Variants in GLRA3 observed in about 807,000 individuals in gnomAD.
The protein encoded by GLRA3 is glycine receptor alpha 3, also known as glycine receptor subunit alpha-3.
In GLRA3, 44 loss-of-function variants were observed where a neutral mutation model predicts 60.4. The ratio of observed to expected loss-of-function variants is 0.73; its 90% CI spans 0.57 to 0.94. The LOEUF is 0.94. Ranked by LOEUF, GLRA3 falls within the 40% of genes least tolerant of loss-of-function variation. GLRA3 has a pLI of 0.00. For synonymous variants in GLRA3, 223 were observed against 192.9 expected (o/e 1.16, Z -1.29); for missense variants, 508 against 564.6 (o/e 0.90, Z 1.02).
chr4:174,701,950 C>A (rs1427175457), intron 5 of GLRA3, among the ~76,000 whole-genome samples: 1 of 152,050 alleles, frequency 6.6e-6, no homozygotes. Flanking sequence ...GTGAAGACAC[C>A]GTGAACATTG....
At chr4:174,657,311 G>C (rs1021531233) in intron 8 of GLRA3, among the ~76,000 whole-genome samples, 1 of 152,112 alleles carries the variant, frequency 6.6e-6, no homozygotes, top group Non-Finnish European at 1.5e-5. Context: ...GTGGATGTAG[G>C]ATATGTCTGA....
intron 3 of GLRA3, among the ~76,000 whole-genome samples, chr4:174,746,775 C>T (rs543854531): frequency 1.6e-4 from 25 of 152,248 alleles, no homozygotes; most frequent in African/African-American, 5.5e-4. Context: ...GCCCCAGGTA[C>T]GCTGACTTGA....
chr4:174,817,945 A>G (rs568978846), intron 1 of GLRA3, among the ~76,000 whole-genome samples: 10 of 152,200 alleles, frequency 6.6e-5, no homozygotes, highest in Non-Finnish European at 1.5e-4. Flanking sequence ...AATTATAGCT[A>G]TAATGCTAAG....
At chr4:174,705,804 A>G (rs1253831283) in intron 5 of GLRA3, among the ~76,000 whole-genome samples, 1 of 69,426 alleles carries the variant, frequency 1.4e-5, no homozygotes, top group Middle Eastern at 0.011. Flanking sequence ...AATGAGAGAC[A>G]TTTTCCCCGT....
In GLRA3 at chr4:174,641,758, C is replaced by T. The variant is rs1020224168; in HGVS notation, c.*2028G>A. ...TTCTGTTTGCTCCTGGCAGAATTCA[C>T]TTAAGCAATGTTGGGAAACTTTTGA... On this transcript the variant is annotated 3_prime_UTR_variant, in exon 10 of 10. Coordinates refer to ENST00000274093, the MANE Select transcript of GLRA3 (RefSeq NM_006529.4). The T allele has an allele frequency of 2.6e-5, 4 of 151,986 alleles. No homozygotes were observed. The highest frequency in any genetic ancestry group is 9.7e-5 in the African/African-American group (4 of 41,438). 9.4% of individuals were successfully genotyped at this position (151,986 alleles called of 1,614,324 possible). A position where few individuals can be genotyped will look rare whatever the true frequency, so the allele number is the denominator to read the frequency against.
chr4:174,671,803 C>A (rs1328650421), intron 7 of GLRA3, among the ~76,000 whole-genome samples: 4 of 152,088 alleles, frequency 2.6e-5, no homozygotes, highest in Non-Finnish European at 5.9e-5. Context: ...ATGCCCGCCA[C>A]CACGCCCAGC....
At chr4:174,793,351 C>T (rs1396625287) in intron 1 of GLRA3, among the ~76,000 whole-genome samples, 2 of 151,970 alleles carry the variant, frequency 1.3e-5, no homozygotes, top group Non-Finnish European at 2.9e-5. Flanking sequence ...GTATCAACTG[C>T]ATACCATGAT....
At chr4:174,680,667 G>T (rs1021031858) in intron 6 of GLRA3, among the ~76,000 whole-genome samples, 1 of 152,150 alleles carries the variant, frequency 6.6e-6, no homozygotes, top group African/African-American at 2.4e-5. Context: ...AGAGGTAAAA[G>T]ATTTTGGAGA....
Position 174,637,653 on chromosome 4 carries a change from TC to T in GLRA3, c.*6132del. ...CAGCTATTAAAATAAAACAACTTAA[TC>T]CCCTGTACTTTTGTTATAGCTTTAC... On this transcript the variant is annotated 3_prime_UTR_variant, in exon 10 of 10. Coordinates refer to ENST00000274093, the MANE Select transcript of GLRA3 (RefSeq NM_006529.4). 6.6e-6 allele frequency: 1 copy of T among 152,320 alleles called. No individual in the cohort carries two copies. Among genetic ancestry groups the T allele is most frequent in the East Asian group, 1.9e-4 (1 of 5,190 alleles). 9.4% of individuals were successfully genotyped at this position (152,320 alleles called of 1,614,324 possible).
chr4:174,732,777 C>CTATA (rs66878216), intron 3 of GLRA3, among the ~76,000 whole-genome samples: 151 of 149,824 alleles, frequency 1.0e-3, no homozygotes, highest in Admixed American at 5.0e-3. Flanking sequence ...CTCTCTCTCT[C>CTATA]TATATATATA....
intron 3 of GLRA3, among the ~76,000 whole-genome samples, chr4:174,747,993 C>T (rs969526283): frequency 1.3e-5 from 2 of 150,868 alleles, no homozygotes; most frequent in East Asian, 2.0e-4. Context: ...CATGGAGACA[C>T]TTGGGCTATA....
chr4:174,822,616 C>G (rs1411544585), intron 1 of GLRA3, among the ~76,000 whole-genome samples: 3 of 152,040 alleles, frequency 2.0e-5, no homozygotes, highest in Non-Finnish European at 4.4e-5. Context: ...CTGGATGGAC[C>G]AGTTACCTCC....
At chr4:174,712,831 T>C in intron 5 of GLRA3, 1 of 152,042 alleles carries the variant, frequency 6.6e-6, no homozygotes, top group East Asian at 1.9e-4. Flanking sequence ...AGATACAAAT[T>C]GTTCTTAAAA....
intron 1 of GLRA3, among the ~76,000 whole-genome samples, chr4:174,796,900 CT>C (rs1300908310): frequency 6.6e-6 from 1 of 152,106 alleles, no homozygotes; most frequent in Non-Finnish European, 1.5e-5. Context: ...TAAACTCTTA[CT>C]TTAATATATT....
intron 3 of GLRA3, among the ~76,000 whole-genome samples, chr4:174,761,091 A>T (rs1737926132): frequency 6.6e-6 from 1 of 152,088 alleles, no homozygotes; most frequent in Non-Finnish European, 1.5e-5. Flanking sequence ...ATGTATTTGT[A>T]CTGTTTAATT....
At chr4:174,745,684 A>C in intron 3 of GLRA3, among the ~76,000 whole-genome samples, 1 of 152,140 alleles carries the variant, frequency 6.6e-6, no homozygotes, top group East Asian at 1.9e-4. Context: ...TAAACAGTCA[A>C]CAAAATGAGG....
intron 5 of GLRA3, 21 bp from the exon 6 acceptor site, chr4:174,682,960 A>T: frequency 6.3e-7 from 1 of 1,597,016 alleles, no homozygotes; most frequent in Admixed American, 1.7e-5. Context: ...CATAATAAAA[A>T]TATGAATAGT....
chr4:174,765,437 C>T (rs116188423), intron 3 of GLRA3, among the ~76,000 whole-genome samples: 138 of 151,970 alleles, frequency 9.1e-4, no homozygotes, highest in African/African-American at 3.0e-3. Flanking sequence ...ATTTCATGGA[C>T]GCAATCATGT....
chr4:174,642,908 A>G lies in GLRA3; in HGVS notation c.*878T>C. ...AGTCACATTCTAAACTAAAATATAA[A>G]AGTCTTACTGAATTTTGTCCTGTTA... On this transcript the variant is annotated 3_prime_UTR_variant, in exon 10 of 10. Transcript: ENST00000274093. 1 of 735,558 alleles carries G rather than the reference A, an allele frequency of 1.4e-6. No homozygotes were observed. The highest frequency in any genetic ancestry group is 6.2e-5 in the South Asian group (1 of 16,192). 45.6% of individuals were successfully genotyped at this position (735,558 alleles called of 1,614,324 possible).
Sources: gnomAD v4.1 joint callset for allele counts (sites outside exome capture counted in the v4.1 genomes callset) on GRCh38, gnomAD v4.1.1 for gene constraint, MANE v1.5 for transcripts, NCBI Gene and HGNC (gene_info 2026-07-23, HGNC 2026-07-21) for gene names.